The following SRSF11 variants were observed in gnomAD, a reference collection of about 807,000 sequenced individuals.
SRSF11 encodes the protein serine and arginine rich splicing factor 11.
Under a neutral mutation model 56.0 loss-of-function variants are expected in SRSF11, and 9 were observed. That is an observed-to-expected ratio of 0.16 (90% CI 0.10 to 0.28). The LOEUF (loss-of-function observed/expected upper bound fraction) is 0.28. SRSF11 is among the 10% of genes least tolerant of loss of function. The probability of loss-of-function intolerance (pLI) is 1.00; values close to 1 mark genes in which losing one functional copy is unlikely to be tolerated. For synonymous variants in SRSF11, 222 were observed against 215.3 expected (o/e 1.03, Z -0.27); for missense variants, 421 against 600.7 (o/e 0.70, Z 3.13).
chr1:70,205,971 T>A (rs1434928652), intron 1 of SRSF11, among the ~76,000 whole-genome samples: 1 of 152,156 alleles, frequency 6.6e-6, no homozygotes, highest in Admixed American at 6.5e-5. Context: ...TCGGCAGCGT[T>A]TCTGGACCCC....
At chr1:70,239,908 T>C (rs548446589) in intron 7 of SRSF11, among the ~76,000 whole-genome samples, 3 of 152,314 alleles carry the variant, frequency 2.0e-5, no homozygotes, top group African/African-American at 7.2e-5. Context: ...TCTGGCATGC[T>C]CACAACAATG....
intron 10 of SRSF11, 75 bp from the exon 11 acceptor site, chr1:70,250,290 T>C (rs1434449506): frequency 1.6e-5 from 25 of 1,579,172 alleles, no homozygotes; most frequent in South Asian, 1.1e-4. Flanking sequence ...GTACTACTTA[T>C]ATCCTGTGAA....
chr1:70,245,478 A>C (rs1196856048), intron 8 of SRSF11, among the ~76,000 whole-genome samples: 1 of 152,218 alleles, frequency 6.6e-6, no homozygotes, highest in South Asian at 2.1e-4. Context: ...AGAGTGAATC[A>C]AACAAGGTAG....
intron 1 of SRSF11, chr1:70,205,786 T>G (rs989123465): frequency 6.9e-6 from 3 of 436,864 alleles, no homozygotes; most frequent in African/African-American, 3.9e-5. Flanking sequence ...ATCAAGTAAG[T>G]GCGTTTAACG....
At chr1:70,234,579 G>T in intron 3 of SRSF11, 117 bp from the exon 4 acceptor site, 1 of 719,024 alleles carries the variant, frequency 1.4e-6, no homozygotes, top group South Asian at 2.1e-5. Flanking sequence ...GTTGTACGGA[G>T]ACCATGTAGC....
At chr1:70,233,947 C>G (rs993828575) in intron 3 of SRSF11, among the ~76,000 whole-genome samples, 2 of 152,232 alleles carry the variant, frequency 1.3e-5, no homozygotes, top group Non-Finnish European at 2.9e-5. Flanking sequence ...GAAACAACCA[C>G]TACCTCTGAG....
At chr1:70,236,433 CA>C (rs1674053215) in intron 5 of SRSF11, among the ~76,000 whole-genome samples, 1 of 150,750 alleles carries the variant, frequency 6.6e-6, no homozygotes, top group Non-Finnish European at 1.5e-5. Flanking sequence ...CAGATTCAAG[CA>C]ATTCTTTTGC....
chr1:70,231,796 T>C, intron 2 of SRSF11: 2 of 1,353,940 alleles, frequency 1.5e-6, no homozygotes. Context: ...TGTACCATAT[T>C]ATTAACCCCT....
chr1:70,205,815 G>A (rs750803202), intron 1 of SRSF11: 45 of 354,634 alleles, frequency 1.3e-4, no homozygotes, highest in Middle Eastern at 1.5e-3. Context: ...AGGGGCTTTC[G>A]GGTTTATTGT....
upstream of SRSF11, chr1:70,218,665 T>C (rs1368786611): frequency 2.0e-5 from 3 of 152,222 alleles, no homozygotes; most frequent in Admixed American, 2.0e-4. Context: ...ATTTGTCCTT[T>C]TATCATCAAA....
chr1:70,217,161 G>GT (rs1316519273), upstream of SRSF11, among the ~76,000 whole-genome samples: 1 of 151,614 alleles, frequency 6.6e-6, no homozygotes, highest in Non-Finnish European at 1.5e-5. Flanking sequence ...GTTGTTTTTT[G>GT]TTTTTTGTTT....
In SRSF11 at chr1:70,223,408, A is replaced by G. The variant is rs544647575; in HGVS notation, c.203+1569A>G. On this transcript the variant is annotated intron_variant, in intron 1 of 11. Transcript: ENST00000370949. The stretch of plus-strand genomic sequence containing the variant: ...ATCTTTTACCTAATGCATGACCAGT[A>G]TACTAGAGGAAGTTGTGATGGACCA... 1.2e-4 allele frequency among the ~76,000 whole-genome samples: 19 copies of G among 152,344 alleles called. No individual in the cohort carries two copies. The South Asian group carries it at 1.7e-3, about 13-fold the overall frequency.
rs1046119993 is a variant in SRSF11 at position 70,211,289 on chromosome 1, A to G, written c.-26+5509A>G. On this transcript the variant is annotated intron_variant, in intron 1 of 12. Transcript: ENST00000370950. ...TAAGTCTGTTTTAAAAACAATTTCA[A>G]TCAAAATCCACTATTTTAAAATTTG... Among the ~76,000 whole-genome samples, 65 of 152,122 alleles carry G rather than the reference A, an allele frequency of 4.3e-4. 1 individual carries two copies. Among genetic ancestry groups the G allele is most frequent in the Non-Finnish European group, 3.5e-4 (24 of 67,998 alleles).
chr1:70,241,956 C>T (rs1202510556), intron 7 of SRSF11, among the ~76,000 whole-genome samples: 2 of 152,150 alleles, frequency 1.3e-5, no homozygotes, highest in African/African-American at 4.8e-5. Context: ...ATCACAAGGT[C>T]AGGAGATTGA....
chr1:70,252,084 T>C lies in SRSF11; in HGVS notation c.*1279T>C, dbSNP rs1678037235. On this transcript the variant is annotated 3_prime_UTR_variant, in exon 12 of 12. Transcript: ENST00000370949. ...TTTACCTCATTCATTTTACAAATTCTTTCCCTTTCTGTCCACATATTTCAG... is the reference window on the plus strand; with the variant it reads ...TTTACCTCATTCATTTTACAAATTCCTTCCCTTTCTGTCCACATATTTCAG... 1 of 152,602 alleles carries C rather than the reference T, an allele frequency of 6.6e-6. No homozygotes were observed. Among genetic ancestry groups the C allele is most frequent in the Non-Finnish European group, 1.5e-5 (1 of 67,998 alleles). The allele number at this position is 152,602 out of a possible 1,614,324, so 9.5% of individuals were successfully genotyped here.
At chr1:70,231,419 C>A in intron 2 of SRSF11, 1 of 1,058,108 alleles carries the variant, frequency 9.5e-7, no homozygotes, top group Non-Finnish European at 1.1e-6. Context: ...TATCTGAATA[C>A]ACAGATTAGG....
intron 1 of SRSF11, among the ~76,000 whole-genome samples, chr1:70,226,963 G>A (rs1157246477): frequency 6.6e-6 from 1 of 152,204 alleles, no homozygotes; most frequent in Non-Finnish European, 1.5e-5. Flanking sequence ...CAGTAAGCCT[G>A]TATAACAAGG....
intron 2 of SRSF11, chr1:70,229,218 GCAAATGCAAAAC>G (rs978313002): frequency 9.3e-6 from 12 of 1,289,066 alleles, no homozygotes; most frequent in Non-Finnish European, 1.2e-5. Flanking sequence ...AGTGGAGAAG[GCAAATGCAAAAC>G]CCTTCCAGAT....
At chr1:70,218,821 C>T (rs573065932), upstream of SRSF11, 2 of 152,254 alleles carry the variant, frequency 1.3e-5, no homozygotes, top group African/African-American at 2.4e-5. Flanking sequence ...TTATGAGTGA[C>T]GTGCAGTTAG....
Sources: gnomAD v4.1 joint callset for allele counts (sites outside exome capture counted in the v4.1 genomes callset) on GRCh38, gnomAD v4.1.1 for gene constraint, MANE v1.5 for transcripts, NCBI Gene and HGNC (gene_info 2026-07-23, HGNC 2026-07-21) for gene names.